PRKCH: variants seen among roughly 807,000 people sequenced by gnomAD.
The protein encoded by PRKCH is protein kinase C eta.
A neutral mutation model predicts 82.5 loss-of-function variants in PRKCH; 28 were observed. The ratio of observed to expected loss-of-function variants is 0.34; its 90% CI spans 0.25 to 0.47. The LOEUF is 0.47. PRKCH is among the 20% of genes least tolerant of loss of function. PRKCH has a pLI of 1.00. For synonymous variants in PRKCH, 322 were observed against 327.4 expected (o/e 0.98, Z 0.18); for missense variants, 705 against 881.8 (o/e 0.80, Z 2.54).
At position 61,455,368 on chromosome 14, in the gene PRKCH, G is replaced by A. The variant is rs72712303; in HGVS notation, c.961-1808G>A. Among the ~76,000 whole-genome samples the A allele has an allele frequency of 7.0e-3, 1,070 of 152,056 alleles. 5 individuals are homozygous for A. The highest frequency in any genetic ancestry group is 0.01 in the Non-Finnish European group (697 of 67,988). On this transcript the variant is annotated intron_variant, in intron 7 of 13. Transcript: ENST00000332981. ...TGACAATTTATTGAATTGCCACTAC[G>A]ATAAATGTTTTAATCCTTATATTAG... is the stretch of plus-strand genomic sequence containing the variant.
chr14:61,206,126 TTAAGA>T (rs1227282540), intron 1 of PRKCH, among the ~76,000 whole-genome samples: 1 of 152,168 alleles, frequency 6.6e-6, no homozygotes, highest in African/African-American at 2.4e-5. Context: ...ATTTCTATAG[TTAAGA>T]TAGGAAGGCC....
At chr14:61,428,072 TAGATACAC>T (rs1883206441) in intron 2 of PRKCH, among the ~76,000 whole-genome samples, 1 of 77,368 alleles carries the variant, frequency 1.3e-5, no homozygotes. Flanking sequence ...GATAGATAGA[TAGATACAC>T]ACACACACAC....
At chr14:61,277,047 G>A (rs1014967821) in intron 1 of PRKCH, among the ~76,000 whole-genome samples, 1 of 152,162 alleles carries the variant, frequency 6.6e-6, no homozygotes, top group South Asian at 2.1e-4. Flanking sequence ...TTAGCTGGGC[G>A]TGGTGGTGTG....
At chr14:61,202,043 C>T (rs1399101622) in intron 1 of PRKCH, among the ~76,000 whole-genome samples, 1 of 152,170 alleles carries the variant, frequency 6.6e-6, no homozygotes, top group Admixed American at 6.5e-5. Context: ...TTCGGTAAAT[C>T]TACATCTAGG....
chr14:61,192,046 G>A (rs1017423436), intron 1 of PRKCH, among the ~76,000 whole-genome samples: 2 of 149,324 alleles, frequency 1.3e-5, no homozygotes, highest in East Asian at 4.0e-4. Flanking sequence ...GTGTGTGTGT[G>A]CCTGAAATAA....
At chr14:61,465,232 T>G (rs1392815864) in intron 9 of PRKCH, among the ~76,000 whole-genome samples, 2 of 152,246 alleles carry the variant, frequency 1.3e-5, no homozygotes, top group Non-Finnish European at 2.9e-5. Flanking sequence ...TTTGATATAG[T>G]TCCATTTGTC....
chr14:61,286,315 T>G (rs2045313232), intron 1 of PRKCH, among the ~76,000 whole-genome samples: 1 of 96,022 alleles, frequency 1.0e-5, no homozygotes, highest in Non-Finnish European at 2.4e-5. Context: ...TATTAAGAAC[T>G]GCATCCAGCA....
intron 1 of PRKCH, chr14:61,281,038 G>A (rs1219975471): frequency 6.5e-7 from 1 of 1,530,554 alleles, no homozygotes; most frequent in Admixed American, 2.0e-5. Context: ...GAAGAAGAGC[G>A]GCAGCGCGAT....
intron 10 of PRKCH, among the ~76,000 whole-genome samples, chr14:61,502,080 TTTC>T (rs1447027185): frequency 0.68 from 67,505 of 99,376 alleles, 25,120 homozygotes; most frequent in Non-Finnish European, 0.74. Flanking sequence ...TTTTTTTTTT[TTTC>T]CGAGATGGAG....
chr14:61,505,395 C>CTTTTTTTTTT (rs60304150), intron 10 of PRKCH, among the ~76,000 whole-genome samples: 42 of 55,770 alleles, frequency 7.5e-4, no homozygotes, highest in African/African-American at 1.9e-3. Context: ...CTTTTCTTTT[C>CTTTTTTTTTT]TTTTTTTTTT....
chr14:61,387,676 A>G (rs867810150), intron 1 of PRKCH, among the ~76,000 whole-genome samples: 2 of 152,210 alleles, frequency 1.3e-5, no homozygotes, highest in South Asian at 2.1e-4. Context: ...TAACCTCCAA[A>G]GCCACATTTT....
At chr14:61,291,323 CTTTTTTTTTTTTTTT>C (rs533117559) in intron 1 of PRKCH, among the ~76,000 whole-genome samples, 1 of 96,692 alleles carries the variant, frequency 1.0e-5, no homozygotes, top group East Asian at 3.4e-4. Context: ...CCCTCTGGTT[CTTTTTTTTTTTTTTT>C]TTTTTTTTTT....
At chr14:61,385,971 G>A (rs370957288) in intron 1 of PRKCH, among the ~76,000 whole-genome samples, 5 of 152,204 alleles carry the variant, frequency 3.3e-5, no homozygotes, top group Non-Finnish European at 5.9e-5. Flanking sequence ...AGTTGGACAA[G>A]TATAAAAAGG....
chr14:61,191,605 G>A (rs1297874452), intron 1 of PRKCH, among the ~76,000 whole-genome samples: 2 of 152,102 alleles, frequency 1.3e-5, no homozygotes, highest in South Asian at 2.1e-4. Flanking sequence ...GCTGGGAGGC[G>A]GAGGTTGCGG....
intron 10 of PRKCH, among the ~76,000 whole-genome samples, chr14:61,527,370 G>C (rs1437512397): frequency 6.6e-6 from 1 of 152,074 alleles, no homozygotes. Flanking sequence ...AAACCTACTG[G>C]ATTTAAGACA....
chr14:61,443,280 T>C lies in PRKCH; in HGVS notation c.578+19T>C. 1 of 1,608,654 alleles carries C rather than the reference T, an allele frequency of 6.2e-7. No individual in the cohort carries two copies. Among genetic ancestry groups the C allele is most frequent in the East Asian group, 2.2e-5 (1 of 44,736 alleles). On this transcript the variant is annotated intron_variant, in intron 3 of 13. Transcript: ENST00000332981. Reference sequence around the variant, plus strand: ...TTATCTGGTAAGGGGTTCCCTTACTTCTGTCCTCCTCAGAGCTTCCATCTA... The same window carrying C: ...TTATCTGGTAAGGGGTTCCCTTACTCCTGTCCTCCTCAGAGCTTCCATCTA...
At chr14:61,435,818 A>G (rs1883652232) in intron 2 of PRKCH, among the ~76,000 whole-genome samples, 1 of 152,208 alleles carries the variant, frequency 6.6e-6, no homozygotes, top group African/African-American at 2.4e-5. Flanking sequence ...AAAGACTAGA[A>G]GCATGGTATG....
intron 10 of PRKCH, among the ~76,000 whole-genome samples, chr14:61,505,395 C>CTTTTTCTTTTTTTTTTTTTTTTTTTTT (rs1887099057): frequency 7.2e-5 from 4 of 55,738 alleles, no homozygotes; most frequent in African/African-American, 6.5e-5. Flanking sequence ...CTTTTCTTTT[C>CTTTTTCTTTTTTTTTTTTTTTTTTTTT]TTTTTTTTTT....
intron 1 of PRKCH, among the ~76,000 whole-genome samples, chr14:61,337,168 G>T (rs568450804): frequency 1.2e-3 from 138 of 116,936 alleles, no homozygotes; most frequent in Non-Finnish European, 1.8e-3. Context: ...TTTTGAGACA[G>T]GGTCTCACTG....
Sources: allele counts gnomAD v4.1 joint callset (sites outside exome capture counted in the v4.1 genomes callset), GRCh38; gene constraint gnomAD v4.1.1; transcripts MANE v1.5; gene names NCBI Gene and HGNC (gene_info 2026-07-23, HGNC 2026-07-21).